Variants in RET observed in about 807,000 individuals in gnomAD.
The protein encoded by RET is ret proto-oncogene, also known as proto-oncogene tyrosine-protein kinase receptor Ret.
A neutral mutation model predicts 118.3 loss-of-function variants in RET; 19 were observed. The observed-to-expected ratio is 0.16, with a 90% CI of 0.11 to 0.24. RET has a LOEUF of 0.24. Among genes scored for constraint, RET ranks in the 10% least tolerant of loss-of-function variants. The pLI is 1.00. For synonymous variants in RET, 597 were observed against 644.1 expected (o/e 0.93, Z 1.11); for missense variants, 1,219 against 1,502.1 (o/e 0.81, Z 3.12).
intron 13 of RET, among the ~76,000 whole-genome samples, chr10:43,119,023 G>A (rs1838139367): frequency 6.6e-6 from 1 of 152,224 alleles, no homozygotes; most frequent in African/African-American, 2.4e-5. Context: ...AGAGGGATAG[G>A]GAACCCAAAC....
intron 18 of RET, 90 bp downstream of exon 18, chr10:43,125,072 T>C: frequency 8.4e-7 from 1 of 1,192,678 alleles, no homozygotes; most frequent in Non-Finnish European, 1.2e-6. Context: ...CCCTCAGAGT[T>C]CCCAGTGTGG....
At chr10:43,093,422 G>A (rs973967202) in intron 1 of RET, among the ~76,000 whole-genome samples, 8 of 152,096 alleles carry the variant, frequency 5.3e-5, no homozygotes, top group African/African-American at 1.7e-4. Context: ...ATGGGGAAGA[G>A]TTGGGGACAA....
intron 3 of RET, among the ~76,000 whole-genome samples, chr10:43,104,283 G>GA (rs34245129): frequency 0.052 from 7,440 of 142,534 alleles, 249 homozygotes; most frequent in East Asian, 0.12. Flanking sequence ...TTCCATAATT[G>GA]AAAAAAAAAA....
intron 17 of RET, among the ~76,000 whole-genome samples, chr10:43,124,185 T>C (rs1838281330): frequency 1.3e-5 from 2 of 152,084 alleles, no homozygotes; most frequent in Non-Finnish European, 2.9e-5. Context: ...CAGCCTGGGC[T>C]GCAACCTGAG....
chr10:43,090,763 C>A (rs990253996), intron 1 of RET, among the ~76,000 whole-genome samples: 1 of 150,892 alleles, frequency 6.6e-6, no homozygotes, highest in East Asian at 2.0e-4. Flanking sequence ...GCAGTGGTGC[C>A]GGTCAGGAGC....
At chr10:43,126,497 G>C (rs958578913) in intron 18 of RET, 78 bp from the exon 19 acceptor site, 3 of 1,287,084 alleles carry the variant, frequency 2.3e-6, no homozygotes, top group Non-Finnish European at 3.4e-6. Context: ...CCTCTGCCCT[G>C]AGGATGGCTT....
chr10:43,102,112 A>T (rs759911024), intron 2 of RET, among the ~76,000 whole-genome samples: 2 of 152,230 alleles, frequency 1.3e-5, no homozygotes, highest in African/African-American at 2.4e-5. Context: ...GGGGCCTCTA[A>T]GCCAAGAACT....
chr10:43,126,737 G>A lies in RET; in HGVS notation c.3187+15G>A, dbSNP rs1177156248. Reference sequence around the variant, plus strand: ...CAAACTCTATGGTAGAATTTCCCATGCATTTACTAGATTCTAGCACCGCTG... The same window carrying A: ...CAAACTCTATGGTAGAATTTCCCATACATTTACTAGATTCTAGCACCGCTG... On this transcript the variant is annotated intron_variant, in intron 19 of 19. Coordinates refer to ENST00000355710, the MANE Select transcript of RET (RefSeq NM_020975.6). 5.6e-6 allele frequency: 9 copies of A among 1,613,530 alleles called. No homozygotes were observed. Among genetic ancestry groups the A allele is most frequent in the African/African-American group, 1.3e-5 (1 of 74,986 alleles).
Position 43,122,711 on chromosome 10 carries a change from G to A in RET, c.2801+695G>A, listed in dbSNP as rs185876966. ...CAACCTCCACCTCCTGGGTTCAAGC[G>A]ATTCCTGTGCCTCAGCCTCCTGAGT... On this transcript the variant is annotated intron_variant, in intron 16 of 19. Transcript: ENST00000355710. Among the ~76,000 whole-genome samples the A allele has an allele frequency of 1.6e-3, 245 of 152,254 alleles. 1 individual carries two copies. Among genetic ancestry groups the A allele is most frequent in the African/African-American group, 5.8e-3 (242 of 41,550 alleles).
intron 13 of RET, 137 bp from the exon 14 acceptor site, chr10:43,119,393 TG>T (rs1229102086): frequency 3.0e-6 from 2 of 670,556 alleles, no homozygotes; most frequent in Admixed American, 2.4e-5. Flanking sequence ...GCAGCAGTGC[TG>T]CCTGAGGCAG....
At chr10:43,125,181 T>C (rs1416440280) in intron 18 of RET, among the ~76,000 whole-genome samples, 199 bp downstream of exon 18, 1 of 152,196 alleles carries the variant, frequency 6.6e-6, no homozygotes, top group Non-Finnish European at 1.5e-5. Context: ...GGGCTTCTTT[T>C]CAAGTCATGA....
At chr10:43,082,726 T>C (rs1329929316) in intron 1 of RET, among the ~76,000 whole-genome samples, 1 of 152,194 alleles carries the variant, frequency 6.6e-6, no homozygotes, top group Non-Finnish European at 1.5e-5. Flanking sequence ...CCAGTTCCCT[T>C]GTGTGCCTGT....
chr10:43,119,036 C>T (rs960846480), intron 13 of RET, among the ~76,000 whole-genome samples: 3 of 152,172 alleles, frequency 2.0e-5, no homozygotes, highest in Non-Finnish European at 4.4e-5. Context: ...ACCCAAACAC[C>T]GGGAGTGCGC....
In RET at chr10:43,077,111, C is replaced by G; in HGVS notation, c.-148C>G. 1 of 1,186,716 alleles carries G rather than the reference C, an allele frequency of 8.4e-7. No individual in the cohort carries two copies. Among genetic ancestry groups the G allele is most frequent in the Non-Finnish European group, 1.1e-6 (1 of 926,574 alleles). 73.5% of individuals were successfully genotyped at this position (1,186,716 alleles called of 1,614,324 possible). On this transcript the variant is annotated 5_prime_UTR_variant, in exon 1 of 20. Transcript: ENST00000355710. ...AGGGCGCGCAGCAGCGCTGAGTGCCCCGGAACGTGCGTCGCGCCCCCAGTG... is the reference window on the plus strand; with the variant it reads ...AGGGCGCGCAGCAGCGCTGAGTGCCGCGGAACGTGCGTCGCGCCCCCAGTG...
intron 7 of RET, among the ~76,000 whole-genome samples, chr10:43,111,847 T>C (rs1458464341): frequency 1.3e-5 from 2 of 152,256 alleles, no homozygotes; most frequent in Non-Finnish European, 2.9e-5. Flanking sequence ...TGGCTGAATC[T>C]GGCTGCACTC....
At position 43,114,654 on chromosome 10, in the gene RET, T is replaced by C. The variant is rs1422796781; in HGVS notation, c.2054T>C (p.Val685Ala). 6.2e-7 allele frequency: 1 copy of C among 1,612,718 alleles called. No individual in the cohort carries two copies. The highest frequency in any genetic ancestry group is 8.5e-7 in the Non-Finnish European group (1 of 1,179,928). Residue 685 changes from valine (V) to alanine (A), a missense_variant, in exon 11 of 20, where the codon GTC becomes GCC. Val to Ala is a moderately conservative substitution (Grantham distance 64). Transcript: ENST00000355710. The surrounding 1 kb of genome is among the most constrained non-coding windows in gnomAD (Gnocchi z 4.6). ...CGGAGGCCCGCCCAGGCCTTCCCGGTCAGCTACTCCTCTTCCGGTGCCCGC... is the reference window on the plus strand; with the variant it reads ...CGGAGGCCCGCCCAGGCCTTCCCGGCCAGCTACTCCTCTTCCGGTGCCCGC... ...TFRRPAQAFP[V>A]SYSSSGARRP...
rs2132908617 is a variant in RET, at chr10:43,116,700, G to A, written c.2253G>A (p.Gly751=). The A allele has an allele frequency of 6.2e-7, 1 of 1,612,140 alleles. No homozygotes were observed. The highest frequency in any genetic ancestry group is 1.1e-5 in the South Asian group (1 of 91,066). The change falls in exon 12 of 20, where the codon GGG becomes GGA. Residue 751 remains glycine, a synonymous_variant. Coordinates refer to ENST00000355710, the MANE Select transcript of RET (RefSeq NM_020975.6). ...CCTTCCATCTGAAAGGCAGAGCAGG[G>A]TACACCACGGTGGCCGTGAAGATGC... is the stretch of plus-strand genomic sequence containing the variant. ...ATAFHLKGRA[G]YTTVAVKMLK...
At chr10:43,123,609 C>CT in intron 16 of RET, 62 bp from the exon 17 acceptor site, 1 of 1,609,054 alleles carries the variant, frequency 6.2e-7, no homozygotes, top group Non-Finnish European at 8.5e-7. Context: ...GATATCTGGG[C>CT]CCCCCGGAGG....
At chr10:43,090,727 C>CT (rs999653718) in intron 1 of RET, among the ~76,000 whole-genome samples, 1 of 151,340 alleles carries the variant, frequency 6.6e-6, no homozygotes, top group African/African-American at 2.4e-5. Flanking sequence ...AAACAAAAAC[C>CT]TTTTTTGCGC....
Sources: gnomAD v4.1 joint callset for allele counts (sites outside exome capture counted in the v4.1 genomes callset) on GRCh38, gnomAD v4.1.1 for gene constraint, Gnocchi (gnomAD v3.1) non-coding constraint, MANE v1.5 for transcripts, NCBI Gene and HGNC (gene_info 2026-07-23, HGNC 2026-07-21) for gene names.